Variants in NOL9 observed in about 807,000 individuals in gnomAD.
NOL9 encodes the protein nucleolar protein 9.
NOL9 carries 28 observed loss-of-function variants against 67.9 expected under a neutral mutation model. The observed-to-expected ratio is 0.41, with a 90% CI of 0.31 to 0.57. The LOEUF is 0.57. NOL9 is among the 20% of genes least tolerant of loss of function. NOL9 has a pLI of 0.25. For missense variants in NOL9, 777 were observed against 897.0 expected (o/e 0.87, Z 1.71); for synonymous variants, 356 against 352.2 (o/e 1.01, Z -0.12).
intron 6 of NOL9, among the ~76,000 whole-genome samples, chr1:6,537,472 T>A (rs1170175485): frequency 6.6e-6 from 1 of 152,100 alleles, no homozygotes. Flanking sequence ...AAATCATCCA[T>A]CTGATAAAGA....
At chr1:6,531,921 A>C in intron 9 of NOL9, 47 bp downstream of exon 9, 2 of 1,470,312 alleles carry the variant, frequency 1.4e-6, no homozygotes, top group Non-Finnish European at 1.9e-6. Context: ...AAAACCACAC[A>C]AGTGTGTAAC....
intron 6 of NOL9, 118 bp downstream of exon 6, chr1:6,541,711 GT>G (rs1486945424): frequency 2.1e-6 from 1 of 480,868 alleles, no homozygotes; most frequent in African/African-American, 2.0e-5. Context: ...AAGACCATGA[GT>G]TTGGTAGGCG....
intron 6 of NOL9, among the ~76,000 whole-genome samples, chr1:6,540,035 GA>G (rs1401186948): frequency 3.3e-5 from 5 of 152,040 alleles, no homozygotes; most frequent in Admixed American, 3.3e-4. Flanking sequence ...GCCCAGACTG[GA>G]GTGCAGTGGT....
In NOL9 at chr1:6,521,543, T is replaced by C. The variant is rs576821780; in HGVS notation, c.*4311A>G. 2.0e-5 allele frequency: 3 copies of C among 152,290 alleles called. No individual in the cohort carries two copies. The highest frequency in any genetic ancestry group is 7.2e-5 in the African/African-American group (3 of 41,566). The allele number at this position is 152,290 out of a possible 1,614,324, so 9.4% of individuals were successfully genotyped here. ...TACATGTGTAAGCTGCTTATAAAAT[T>C]TTAAAAGCAACAAGTGGGGGTTTAT... is the stretch of plus-strand genomic sequence containing the variant. On this transcript the variant is annotated 3_prime_UTR_variant, in exon 12 of 12. Coordinates refer to ENST00000377705, the MANE Select transcript of NOL9 (RefSeq NM_024654.5).
chr1:6,527,591 G>A (rs530177721), intron 10 of NOL9, among the ~76,000 whole-genome samples: 1 of 150,456 alleles, frequency 6.6e-6, no homozygotes, highest in Admixed American at 6.7e-5. Context: ...AGGTTGCAGT[G>A]AGCCCAAATA....
rs2148652777 is a variant in NOL9, at chr1:6,533,166, C to A, written c.1237+114G>T. 3.6e-6 allele frequency: 4 copies of A among 1,110,286 alleles called. 1 individual carries two copies. The Middle Eastern group carries it at 7.1e-4, about 197-fold the overall frequency. 68.8% of individuals were successfully genotyped at this position (1,110,286 alleles called of 1,614,324 possible). On this transcript the variant is annotated intron_variant, in intron 7 of 11. Coordinates refer to ENST00000377705, the MANE Select transcript of NOL9 (RefSeq NM_024654.5). ...CTCCAGCCTGGGCGACAGAGTGAGACCCTGCCTCAATTAAAAACAAAAAAC... is the reference window on the plus strand; with the variant it reads ...CTCCAGCCTGGGCGACAGAGTGAGAACCTGCCTCAATTAAAAACAAAAAAC...
chr1:6,549,555 T>A lies in NOL9; in HGVS notation c.744+16A>T, dbSNP rs1471588484. 6.2e-7 allele frequency: 1 copy of A among 1,611,580 alleles called. No homozygotes were observed. The highest frequency in any genetic ancestry group is 1.1e-5 in the South Asian group (1 of 90,926). On this transcript the variant is annotated intron_variant, in intron 3 of 11. Transcript: ENST00000377705. The stretch of plus-strand genomic sequence containing the variant: ...TGCAAGTAATTAGCAAAACTCTGAA[T>A]GAAAACGGGTTCTACCTCTTGCACA...
In NOL9 at chr1:6,532,197, C is replaced by A. The variant is rs146910086; in HGVS notation, c.1536-118G>T. 568 of 813,778 alleles carry A rather than the reference C, an allele frequency of 7.0e-4. 1 individual carries two copies. Among genetic ancestry groups the A allele is most frequent in the Non-Finnish European group, 3.4e-4 (169 of 498,098 alleles). 50.4% of individuals were successfully genotyped at this position (813,778 alleles called of 1,614,324 possible). The stretch of plus-strand genomic sequence containing the variant: ...TACTGGGCTTTCCAACACTGCCCCC[C>A]CTTGACGGACCCCAACTGGAAAAAC... On this transcript the variant is annotated intron_variant, in intron 8 of 11. Coordinates refer to ENST00000377705, the MANE Select transcript of NOL9 (RefSeq NM_024654.5).
intron 6 of NOL9, among the ~76,000 whole-genome samples, chr1:6,536,583 T>TG (rs1639162088): frequency 6.6e-6 from 1 of 151,878 alleles, no homozygotes; most frequent in Non-Finnish European, 1.5e-5. Flanking sequence ...ATCTCAGGAC[T>TG]GTGGGAGGCT....
chr1:6,531,886 G>T, intron 9 of NOL9, 82 bp downstream of exon 9: 1 of 1,004,986 alleles, frequency 1.0e-6, no homozygotes, highest in Non-Finnish European at 1.6e-6. Context: ...GTTATGTAGT[G>T]GTTAGGAGAG....
At chr1:6,551,305 C>A (rs1346704567) in intron 1 of NOL9, among the ~76,000 whole-genome samples, 1 of 152,072 alleles carries the variant, frequency 6.6e-6, no homozygotes, top group Non-Finnish European at 1.5e-5. Context: ...TTGGGCCAGG[C>A]ACGGTGGCTC....
rs1287698159 is a variant in NOL9 at position 6,541,010 on chromosome 1, C to CTTTTTTTTTTTTTTTTTTTTT, written c.1075+819_1075+820insAAAAAAAAAAAAAAAAAAAAA. The CTTTTTTTTTTTTTTTTTTTTT allele has an allele frequency of 1.1e-4, 13 of 123,092 alleles. 6 individuals carry two copies. The highest frequency in any genetic ancestry group is 9.2e-5 in the African/African-American group (3 of 32,590). The allele number at this position is 123,092 out of a possible 1,614,324, so 7.6% of individuals were successfully genotyped here. ...ATAAAATCTGTAGACTGGTTAACAGCGTTTTTTTTTTTTTTTTTTTTTTTG... is the reference window on the plus strand; with the variant it reads ...ATAAAATCTGTAGACTGGTTAACAGCTTTTTTTTTTTTTTTTTTTTTGTTTTTTTTTTTTTTTTTTTTTTTG... On this transcript the variant is annotated intron_variant, in intron 6 of 11. Coordinates refer to ENST00000377705, the MANE Select transcript of NOL9 (RefSeq NM_024654.5).
chr1:6,544,693 G>T, intron 5 of NOL9, 133 bp downstream of exon 5: 1 of 853,848 alleles, frequency 1.2e-6, no homozygotes. Flanking sequence ...AGGACCAGAT[G>T]CTTCAGCTGG....
chr1:6,549,387 G>A (rs929160333), intron 3 of NOL9, 184 bp downstream of exon 3: 45 of 582,252 alleles, frequency 7.7e-5, no homozygotes, highest in Non-Finnish European at 1.1e-4. Context: ...CTAAGGAGGG[G>A]AGGATGAACA....
intron 9 of NOL9, among the ~76,000 whole-genome samples, chr1:6,530,941 G>C (rs1188026099): frequency 6.6e-6 from 1 of 152,248 alleles, no homozygotes; most frequent in African/African-American, 2.4e-5. Context: ...TTTTGGGCAA[G>C]CTGACTCCCA....
chr1:6,543,494 CTTTA>C (rs555412614), intron 5 of NOL9, among the ~76,000 whole-genome samples: 135 of 152,066 alleles, frequency 8.9e-4, no homozygotes, highest in Middle Eastern at 3.4e-3. Flanking sequence ...TGCGCCCAGG[CTTTA>C]TTTATTTATT....
intron 1 of NOL9, among the ~76,000 whole-genome samples, 192 bp downstream of exon 1, chr1:6,553,915 C>A (rs973180795): frequency 5.9e-5 from 9 of 152,318 alleles, no homozygotes; most frequent in African/African-American, 2.2e-4. Context: ...GACCCCTTAG[C>A]AGGGTACCTG....
chr1:6,550,101 G>A (rs1557794722), intron 2 of NOL9, among the ~76,000 whole-genome samples: 1 of 151,876 alleles, frequency 6.6e-6, no homozygotes, highest in African/African-American at 2.4e-5. Context: ...GCGTGATCTC[G>A]GCCTACTGCA....
chr1:6,552,073 A>C (rs1470855484), intron 1 of NOL9, among the ~76,000 whole-genome samples: 1 of 152,194 alleles, frequency 6.6e-6, no homozygotes, highest in Non-Finnish European at 1.5e-5. Flanking sequence ...GTATGTTCTC[A>C]CTTATCAGTG....
Sources: allele counts gnomAD v4.1 joint callset (sites outside exome capture counted in the v4.1 genomes callset), GRCh38; gene constraint gnomAD v4.1.1; transcripts MANE v1.5; gene names NCBI Gene and HGNC (gene_info 2026-07-23, HGNC 2026-07-21).